The following FCF1 variants were observed in gnomAD, a reference collection of about 807,000 sequenced individuals.
The protein encoded by FCF1 is rRNA-processing protein FCF1 homolog.
In FCF1, 17 loss-of-function variants were observed where a neutral mutation model predicts 32.5. The observed-to-expected ratio is 0.52, with a 90% CI of 0.36 to 0.78. The LOEUF (loss-of-function observed/expected upper bound fraction) is 0.78, where lower values mean the gene tolerates loss of function less well. FCF1 is among the 30% of genes least tolerant of loss of function. The pLI is 0.00. For missense variants in FCF1, 201 were observed against 241.1 expected (o/e 0.83, Z 1.10); for synonymous variants, 84 against 78.4 (o/e 1.07, Z -0.38).
Position 74,713,174 on chromosome 14 carries a change from A to T in FCF1, c.-24A>T, listed in dbSNP as rs770603866. The T allele has an allele frequency of 6.2e-7, 1 of 1,614,192 alleles. No homozygotes were observed. Among genetic ancestry groups the T allele is most frequent in the Non-Finnish European group, 8.5e-7 (1 of 1,180,036 alleles). On this transcript the variant is annotated 5_prime_UTR_variant, in exon 1 of 8. Coordinates refer to ENST00000341162, the MANE Select transcript of FCF1 (RefSeq NM_015962.5). ...AGTATTGCGCCGTTGGTGATTACGG[A>T]AGAACCAGGAGTTTGGCGTGACCAT...
At chr14:74,727,134 G>A (rs1230805465) in intron 5 of FCF1, among the ~76,000 whole-genome samples, 5 of 152,154 alleles carry the variant, frequency 3.3e-5, no homozygotes, top group African/African-American at 1.2e-4. Flanking sequence ...TAATGGGATG[G>A]CTGGGTCAAA....
rs542595874 is a variant in FCF1, at chr14:74,728,841, C to T, written c.366-3890C>T. 4.9e-4 allele frequency among the ~76,000 whole-genome samples: 75 copies of T among 152,304 alleles called. 2 individuals carry two copies. In the South Asian group the frequency reaches 5.8e-3, roughly 12 times the overall value. On this transcript the variant is annotated intron_variant, in intron 5 of 7. Transcript: ENST00000341162. ...TGTTGACTTTTGCCAAAGGCCTTTTCTGCATCTATTGAGATAATCATGTGG... is the reference window on the plus strand; with the variant it reads ...TGTTGACTTTTGCCAAAGGCCTTTTTTGCATCTATTGAGATAATCATGTGG...
chr14:74,716,000 C>G lies in FCF1; in HGVS notation c.193C>G (p.Pro65Ala), dbSNP rs554394247. 6.2e-7 allele frequency: 1 copy of G among 1,613,896 alleles called. No individual in the cohort carries two copies. Among genetic ancestry groups the G allele is most frequent in the African/African-American group, 1.3e-5 (1 of 75,024 alleles). Residue 65 changes from proline (P) to alanine (A), a missense_variant, in exon 4 of 8, where the codon CCA (proline) becomes GCA (alanine). By Grantham distance (27) the Pro-to-Ala change is conservative (BLOSUM62 -1). Around this residue, in one of 3 missense-constraint regions of FCF1, gnomAD observed 76 missense variants for 75.0 expected, o/e 1.01. Coordinates refer to ENST00000341162, the MANE Select transcript of FCF1 (RefSeq NM_015962.5). ...LFFQYNTQLG[P>A]PYHILVDTNF... ...TTTCCAATATAATACACAGCTGGGC[C>G]CACCTTACCACATCCTCGTTGATAC...
intron 5 of FCF1, among the ~76,000 whole-genome samples, chr14:74,724,718 A>G (rs1244377672): frequency 6.6e-6 from 1 of 152,158 alleles, no homozygotes; most frequent in African/African-American, 2.4e-5. Flanking sequence ...CAGCCTGGGC[A>G]TCATGGTGAA....
At chr14:74,719,697 C>T (rs2090474841) in intron 4 of FCF1, among the ~76,000 whole-genome samples, 2 of 151,806 alleles carry the variant, frequency 1.3e-5, no homozygotes, top group South Asian at 2.1e-4. Flanking sequence ...CCTGGGAGGT[C>T]GAGGCTGCAC....
At chr14:74,718,057 G>A (rs1159027683) in intron 4 of FCF1, among the ~76,000 whole-genome samples, 1 of 152,078 alleles carries the variant, frequency 6.6e-6, no homozygotes, top group Non-Finnish European at 1.5e-5. Context: ...GTAGAGGCGG[G>A]TTTCACCATA....
rs899244546 is a variant in FCF1, at chr14:74,737,661, T to C, written c.*2731T>C. On this transcript the variant is annotated 3_prime_UTR_variant, in exon 8 of 8. Coordinates refer to ENST00000341162, the MANE Select transcript of FCF1 (RefSeq NM_015962.5). ...TTCTTCAGTAAATGTTAGTGATTAT[T>C]ACACAATGGCAAGGTGGCTATCCAT... 9.2e-5 allele frequency: 14 copies of C among 152,088 alleles called. No homozygotes were observed. The highest frequency in any genetic ancestry group is 3.4e-4 in the African/African-American group (14 of 41,400). The allele number at this position is 152,088 out of a possible 1,614,324, so 9.4% of individuals were successfully genotyped here. A position where few individuals can be genotyped will look rare whatever the true frequency, so the allele number is the denominator to read the frequency against.
Position 74,713,548 on chromosome 14 carries a change from A to C in FCF1, c.67A>C (p.Arg23=). The C allele has an allele frequency of 6.2e-7, 1 of 1,611,376 alleles. No homozygotes were observed. Among genetic ancestry groups the C allele is most frequent in the Non-Finnish European group, 8.5e-7 (1 of 1,179,186 alleles). ...GCGAATGCTTAGTCTCAGAGATCAG[A>C]GGCTGTGAGTGTCTGGAATCAACTG... The part of the protein sequence containing the change: ...MKRMLSLRDQ[R]LKEKDRLKPK... Residue 23 remains arginine, a synonymous_variant, in exon 2 of 8, where the codon AGG becomes CGG. Coordinates refer to ENST00000341162, the MANE Select transcript of FCF1 (RefSeq NM_015962.5).
chr14:74,734,392 G>A (rs191103433), intron 7 of FCF1, among the ~76,000 whole-genome samples: 5 of 152,066 alleles, frequency 3.3e-5, no homozygotes, highest in Middle Eastern at 3.4e-3. Flanking sequence ...AAGATTACTG[G>A]AAGAAATAGA....
chr14:74,734,860 G>A (rs1413813581), intron 7 of FCF1, 22 bp from the exon 8 acceptor site: 2 of 1,609,262 alleles, frequency 1.2e-6, no homozygotes, highest in Non-Finnish European at 1.7e-6. Flanking sequence ...TCTTACCGGT[G>A]TTGATTTTTT....
At chr14:74,728,635 T>G (rs1302426496) in intron 5 of FCF1, among the ~76,000 whole-genome samples, 1 of 151,826 alleles carries the variant, frequency 6.6e-6, no homozygotes, top group Admixed American at 6.6e-5. Flanking sequence ...CTTCCAACAC[T>G]ATGTTGAATA....
At position 74,719,877 on chromosome 14, in the gene FCF1, G is replaced by A. The variant is rs79347499; in HGVS notation, c.293-3395G>A. On this transcript the variant is annotated intron_variant, in intron 4 of 7. Transcript: ENST00000341162. Reference sequence around the variant, plus strand: ...TTACTTTTATTTATTAATGAAAATGGCCTGTAATCCCAGCACTTTGGGAGG... The same window carrying A: ...TTACTTTTATTTATTAATGAAAATGACCTGTAATCCCAGCACTTTGGGAGG... 7.4e-3 allele frequency among the ~76,000 whole-genome samples: 1,130 copies of A among 152,054 alleles called. 10 individuals carry two copies. Among genetic ancestry groups the A allele is most frequent in the African/African-American group, 0.026 (1,069 of 41,472 alleles).
At chr14:74,723,464 T>G in intron 5 of FCF1, 120 bp downstream of exon 5, 1 of 702,080 alleles carries the variant, frequency 1.4e-6, no homozygotes, top group Non-Finnish European at 2.3e-6. Flanking sequence ...TTATCATTTT[T>G]GGGGGGGTTG....
At chr14:74,720,236 G>A (rs1218479964) in intron 4 of FCF1, among the ~76,000 whole-genome samples, 1 of 152,178 alleles carries the variant, frequency 6.6e-6, no homozygotes, top group African/African-American at 2.4e-5. Context: ...CCTTTAAAGT[G>A]TACAGTTCAG....
chr14:74,713,547 G>A lies in FCF1; in HGVS notation c.66G>A (p.Gln22=). The A allele has an allele frequency of 1.2e-6, 2 of 1,611,408 alleles. No individual in the cohort carries two copies. The highest frequency in any genetic ancestry group is 1.7e-6 in the Non-Finnish European group (2 of 1,179,226). Residue 22 remains glutamine, a synonymous_variant, in exon 2 of 8, where the codon CAG becomes CAA. Coordinates refer to ENST00000341162, the MANE Select transcript of FCF1 (RefSeq NM_015962.5). ...AGCGAATGCTTAGTCTCAGAGATCAGAGGCTGTGAGTGTCTGGAATCAACT... is the reference window on the plus strand; with the variant it reads ...AGCGAATGCTTAGTCTCAGAGATCAAAGGCTGTGAGTGTCTGGAATCAACT... ...TMKRMLSLRD[Q]RLKEKDRLKP...
intron 4 of FCF1, 83 bp from the exon 5 acceptor site, chr14:74,723,189 T>C: frequency 9.8e-7 from 1 of 1,018,556 alleles, no homozygotes; most frequent in Non-Finnish European, 1.5e-6. Flanking sequence ...TCCTGGGTCT[T>C]TTTAAAACTC....
chr14:74,736,548 T>C lies in FCF1; in HGVS notation c.*1618T>C, dbSNP rs2090710066. 6.6e-6 allele frequency: 1 copy of C among 152,246 alleles called. No individual in the cohort carries two copies. Among genetic ancestry groups the C allele is most frequent in the South Asian group, 2.1e-4 (1 of 4,836 alleles). 9.4% of individuals were successfully genotyped at this position (152,246 alleles called of 1,614,324 possible). A position where few individuals can be genotyped will look rare whatever the true frequency, so the allele number is the denominator to read the frequency against. On this transcript the variant is annotated 3_prime_UTR_variant, in exon 8 of 8. Coordinates refer to ENST00000341162, the MANE Select transcript of FCF1 (RefSeq NM_015962.5). ...GGGGTATTATACATTTCAAAATTGA[T>C]GTTCTCATCACAGAAATGTATTTGA...
intron 4 of FCF1, among the ~76,000 whole-genome samples, chr14:74,719,998 C>G (rs1422762351): frequency 6.6e-6 from 1 of 151,988 alleles, no homozygotes; most frequent in African/African-American, 2.4e-5. Context: ...AAAAATTAGC[C>G]GGGCGTGGTG....
chr14:74,732,781 C>G lies in FCF1; in HGVS notation c.416C>G (p.Thr139Ser). ...CGATTACCATGTACACACAAAGGAA[C>G]CTATGCAGATGACTGCTTAGTACAG... ...FERLPCTHKG[T>S]YADDCLVQRV... The change falls in exon 6 of 8, where the codon ACC becomes AGC. Residue 139 changes from threonine (T) to serine (S), a missense_variant. By Grantham distance (58) the Thr-to-Ser change is moderately conservative. Transcript: ENST00000341162. 1.2e-6 allele frequency: 2 copies of G among 1,612,726 alleles called. No individual in the cohort carries two copies. Among genetic ancestry groups the G allele is most frequent in the Non-Finnish European group, 1.7e-6 (2 of 1,179,134 alleles).
Sources: gnomAD v4.1 joint callset for allele counts (sites outside exome capture counted in the v4.1 genomes callset) on GRCh38, gnomAD v4.1.1 for gene constraint, gnomAD v4.1.1 regional missense constraint, MANE v1.5 for transcripts, NCBI Gene and HGNC (gene_info 2026-07-23, HGNC 2026-07-21) for gene names.